Variants in AUH observed in about 807,000 individuals in gnomAD.
The protein encoded by AUH is AU RNA binding methylglutaconyl-CoA hydratase, also known as methylglutaconyl-CoA hydratase, mitochondrial.
A neutral mutation model predicts 42.3 loss-of-function variants in AUH; 29 were observed. The ratio of observed to expected loss-of-function variants is 0.69; its 90% confidence interval spans 0.51 to 0.93. AUH has a LOEUF of 0.93. Among genes scored for constraint, AUH ranks in the 40% least tolerant of loss-of-function variants. The pLI is 0.00. For missense variants in AUH, 452 were observed against 438.1 expected (o/e 1.03, Z -0.28); for synonymous variants, 174 against 166.4 (o/e 1.05, Z -0.35).
At chr9:91,240,220 A>T (rs1828429687) in intron 6 of AUH, among the ~76,000 whole-genome samples, 1 of 152,198 alleles carries the variant, frequency 6.6e-6, no homozygotes. Context: ...AAAATCTTTT[A>T]TTTAAAGACT....
At chr9:91,263,707 T>C (rs1285386575) in intron 6 of AUH, among the ~76,000 whole-genome samples, 1 of 152,242 alleles carries the variant, frequency 6.6e-6, no homozygotes, top group African/African-American at 2.4e-5. Flanking sequence ...CTGACTATTC[T>C]TGTATTTCAT....
Position 91,361,665 on chromosome 9 carries a change from G to A in AUH, c.225C>T (p.Asp75=). The change falls in exon 1 of 10, where the codon GAC becomes GAT. Residue 75 remains aspartate, a synonymous_variant. Coordinates refer to ENST00000375731, the MANE Select transcript of AUH (RefSeq NM_001698.3). ...RGYSSEMKTE[D]ELRVRHLEEE... is the part of the protein sequence containing the mutation. The stretch of plus-strand genomic sequence containing the variant: ...CCTCCAGGTGCCGCACCCGCAGCTC[G>A]TCCTCCGTCTTCATCTCAGAGCTGT... 1.3e-6 allele frequency: 2 copies of A among 1,581,560 alleles called. No homozygotes were observed. Among genetic ancestry groups the A allele is most frequent in the Non-Finnish European group, 1.7e-6 (2 of 1,164,028 alleles).
chr9:91,357,658 G>T (rs1456828082), intron 1 of AUH: 4 of 296,748 alleles, frequency 1.3e-5, no homozygotes, highest in Non-Finnish European at 2.0e-5. Context: ...GGGGCAAAAG[G>T]AGATGGTTAG....
At chr9:91,286,554 A>C (rs1249458208) in intron 6 of AUH, among the ~76,000 whole-genome samples, 1 of 152,166 alleles carries the variant, frequency 6.6e-6, no homozygotes, top group East Asian at 1.9e-4. Context: ...ATTATCACCC[A>C]AAGTGGGATG....
At chr9:91,346,845 G>C (rs1366818511) in intron 3 of AUH, among the ~76,000 whole-genome samples, 2 of 144,876 alleles carry the variant, frequency 1.4e-5, no homozygotes, top group Non-Finnish European at 1.5e-5. Flanking sequence ...TAATTCACTA[G>C]AATGACTCAG....
chr9:91,292,298 C>T (rs866835013), intron 6 of AUH, among the ~76,000 whole-genome samples: 59 of 136,900 alleles, frequency 4.3e-4, no homozygotes, highest in East Asian at 2.4e-3. Flanking sequence ...TTTTTTGAGA[C>T]GGAGTCTCGC....
chr9:91,325,324 C>T lies in AUH; in HGVS notation c.499G>A (p.Asp167Asn), dbSNP rs776409546. The T allele has an allele frequency of 6.8e-6, 11 of 1,613,008 alleles. No individual in the cohort carries two copies. Among genetic ancestry groups the T allele is most frequent in the African/African-American group, 6.7e-5 (5 of 74,868 alleles). ...AGAACTTAATAGTGCTTACCAATATCGTTAATCACTGCTCTTATTTTGGAG... is the reference window on the plus strand; with the variant it reads ...AGAACTTAATAGTGCTTACCAATATTGTTAATCACTGCTCTTATTTTGGAG... ...FVSKIRAVIN[D>N]IANLPVPTIA... The change falls in exon 4 of 10, where the codon GAT (aspartate) becomes AAT (asparagine). Residue 167 changes from aspartate (D) to asparagine (N), a missense_variant. Physicochemically the swap from Asp to Asn is conservative, Grantham distance 23 (BLOSUM62 1). Coordinates refer to ENST00000375731, the MANE Select transcript of AUH (RefSeq NM_001698.3).
chr9:91,317,113 G>A (rs958885645), intron 4 of AUH, among the ~76,000 whole-genome samples: 1 of 152,124 alleles, frequency 6.6e-6, no homozygotes, highest in Non-Finnish European at 1.5e-5. Flanking sequence ...ATCCGAAAGC[G>A]AATAATACAC....
At chr9:91,291,009 G>C (rs1473273827) in intron 6 of AUH, among the ~76,000 whole-genome samples, 1 of 152,132 alleles carries the variant, frequency 6.6e-6, no homozygotes, top group Non-Finnish European at 1.5e-5. Flanking sequence ...CAAAATCAAG[G>C]TGTTTGTAGT....
rs574646156 is a variant in AUH at position 91,237,673 on chromosome 9, A to AC, written c.656-16682dup. On this transcript the variant is annotated intron_variant, in intron 6 of 9. Transcript: ENST00000375731. ...TAAAATCTTTATTGATGCTCAAACT[A>AC]CCCCATCTTTGACCAGTGAGGACTT... is the stretch of plus-strand genomic sequence containing the variant. 6.2e-4 allele frequency among the ~76,000 whole-genome samples: 94 copies of AC among 150,838 alleles called. 2 individuals carry two copies. In the Middle Eastern group the frequency reaches 0.034, roughly 55 times the overall value.
At chr9:91,318,084 G>A (rs975237707) in intron 4 of AUH, among the ~76,000 whole-genome samples, 1 of 152,132 alleles carries the variant, frequency 6.6e-6, no homozygotes, top group Non-Finnish European at 1.5e-5. Flanking sequence ...GATTACACTA[G>A]TCTGAAATAA....
chr9:91,320,969 A>T (rs1182897697), intron 4 of AUH, among the ~76,000 whole-genome samples: 2 of 152,236 alleles, frequency 1.3e-5, no homozygotes, highest in Admixed American at 1.3e-4. Context: ...CAATTTATCC[A>T]TATCATTTTA....
At chr9:91,324,851 CA>C (rs1468438235) in intron 4 of AUH, among the ~76,000 whole-genome samples, 1 of 150,540 alleles carries the variant, frequency 6.6e-6, no homozygotes, top group Non-Finnish European at 1.5e-5. Context: ...TTATAAATAA[CA>C]TAAACAGAGG....
At chr9:91,290,869 C>G (rs370138175) in intron 6 of AUH, among the ~76,000 whole-genome samples, 1 of 152,170 alleles carries the variant, frequency 6.6e-6, no homozygotes. Context: ...TACTAACCCC[C>G]ATCTGTCCCC....
chr9:91,293,305 A>T (rs1418559227), intron 6 of AUH, among the ~76,000 whole-genome samples: 1 of 152,284 alleles, frequency 6.6e-6, no homozygotes, highest in East Asian at 1.9e-4. Context: ...TCAAAAGCTG[A>T]GATCAGCCAA....
intron 3 of AUH, among the ~76,000 whole-genome samples, chr9:91,344,988 C>A (rs1831378959): frequency 6.7e-6 from 1 of 148,944 alleles, no homozygotes; most frequent in South Asian, 2.1e-4. Context: ...AGAGATTTGA[C>A]AAAATTCAAT....
chr9:91,323,746 GA>G (rs1186604476), intron 4 of AUH, among the ~76,000 whole-genome samples: 5 of 151,482 alleles, frequency 3.3e-5, no homozygotes, highest in African/African-American at 7.3e-5. Context: ...ATTTGAGGGG[GA>G]AAAAAAGATA....
intron 6 of AUH, among the ~76,000 whole-genome samples, chr9:91,291,811 G>A (rs1049595621): frequency 1.3e-5 from 2 of 149,476 alleles, no homozygotes; most frequent in Admixed American, 6.8e-5. Context: ...TATTTACATT[G>A]TTACTGTTGT....
intron 6 of AUH, among the ~76,000 whole-genome samples, chr9:91,253,942 TAAGTC>T (rs1271629945): frequency 6.6e-6 from 1 of 152,222 alleles, no homozygotes; most frequent in African/African-American, 2.4e-5. Flanking sequence ...AAATTAACGT[TAAGTC>T]AAATAAATAA....
Sources: allele counts gnomAD v4.1 joint callset (sites outside exome capture counted in the v4.1 genomes callset), GRCh38; gene constraint gnomAD v4.1.1; transcripts MANE v1.5; gene names NCBI Gene and HGNC (gene_info 2026-07-23, HGNC 2026-07-21).